COL18A1: variants seen among roughly 807,000 people sequenced by gnomAD.
COL18A1 encodes the protein collagen alpha-1(XVIII) chain.
COL18A1 carries 133 observed loss-of-function variants against 168.0 expected under a neutral mutation model. The ratio of observed to expected loss-of-function variants is 0.79; its 90% CI spans 0.69 to 0.91. The LOEUF is 0.91. Ranked by LOEUF, COL18A1 falls within the 40% of genes least tolerant of loss-of-function variation. The pLI is 0.00. For missense variants in COL18A1, 2,126 were observed against 1,925.4 expected (o/e 1.10, Z -1.95); for synonymous variants, 949 against 809.0 (o/e 1.17, Z -2.94).
At chr21:45,491,693 G>C (rs1341509650) in intron 22 of COL18A1, among the ~76,000 whole-genome samples, 2 of 152,182 alleles carry the variant, frequency 1.3e-5, no homozygotes, top group Non-Finnish European at 2.9e-5. Context: ...AGGTTGTGTT[G>C]GTTCCGGAAC....
At chr21:45,490,705 G>T in intron 20 of COL18A1, 131 bp from the exon 21 acceptor site, 1 of 950,976 alleles carries the variant, frequency 1.1e-6, no homozygotes, top group Admixed American at 2.1e-5. Context: ...GCTCTTGGTG[G>T]CTGCCTCCCT....
intron 2 of COL18A1, chr21:45,456,541 G>C: frequency 6.5e-7 from 1 of 1,547,930 alleles, no homozygotes; most frequent in Non-Finnish European, 8.7e-7. Context: ...GCCTGCCCCT[G>C]CCACCCTCCC....
At position 45,463,242 on chromosome 21, in the gene COL18A1, G is replaced by A. The variant is rs115304089; in HGVS notation, c.107-5000G>A. 0.019 allele frequency among the ~76,000 whole-genome samples: 2,951 copies of A among 152,334 alleles called. 94 individuals are homozygous for A. Among genetic ancestry groups the A allele is most frequent in the African/African-American group, 0.067 (2,770 of 41,558 alleles). ...TGTGATCCCAGGCAACCTGATCAGA[G>A]CACAGGTTCTCGATGTCTGCAGGAC... On this transcript the variant is annotated intron_variant, in intron 2 of 41. Transcript: ENST00000651438. This position sits in a 1 kb window ranked among gnomAD's most constrained non-coding sequence, Gnocchi z 4.0.
At chr21:45,509,736 A>G in intron 39 of COL18A1, 135 bp downstream of exon 39, 1 of 711,758 alleles carries the variant, frequency 1.4e-6, no homozygotes. Context: ...GCTCAGGGCC[A>G]CTCAGGGCGG....
intron 31 of COL18A1, 46 bp from the exon 32 acceptor site, chr21:45,497,553 C>T (rs1367583949): frequency 4.5e-6 from 7 of 1,550,446 alleles, no homozygotes; most frequent in Non-Finnish European, 6.1e-6. Context: ...ACCCTGGAGT[C>T]CTCCCTGGCA....
chr21:45,502,478 G>C (rs987144635), intron 32 of COL18A1: 26 of 152,232 alleles, frequency 1.7e-4, no homozygotes, highest in African/African-American at 5.8e-4. Flanking sequence ...GTTATTTGAT[G>C]AAAATAGATG....
At chr21:45,412,906 G>A (rs558003666) in intron 2 of COL18A1, among the ~76,000 whole-genome samples, 20 of 152,354 alleles carry the variant, frequency 1.3e-4, no homozygotes, top group East Asian at 5.8e-4. Context: ...GTGGGATGCC[G>A]CCTAGTGTGA....
intron 2 of COL18A1, among the ~76,000 whole-genome samples, chr21:45,426,752 G>A (rs2033815875): frequency 6.6e-6 from 1 of 152,248 alleles, no homozygotes; most frequent in Non-Finnish European, 1.5e-5. Flanking sequence ...GGAGCTTGTG[G>A]CTGCATCCTC....
chr21:45,489,205 A>G (rs971155984), intron 18 of COL18A1, among the ~76,000 whole-genome samples: 2 of 152,202 alleles, frequency 1.3e-5, no homozygotes, highest in East Asian at 3.9e-4. Context: ...AATTGTTTGA[A>G]TGAGGCCGTC....
chr21:45,475,701 C>T (rs1422763983), intron 5 of COL18A1, among the ~76,000 whole-genome samples, 166 bp downstream of exon 5: 5 of 152,300 alleles, frequency 3.3e-5, no homozygotes, highest in East Asian at 1.9e-4. Context: ...GGCAGACGCT[C>T]GGAGCCTGGG....
chr21:45,456,788 T>G (rs1423413851), intron 2 of COL18A1: 1 of 1,541,788 alleles, frequency 6.5e-7, no homozygotes, highest in South Asian at 1.2e-5. Flanking sequence ...GGATGCGTGT[T>G]GGAGCCGCCT....
In COL18A1 at chr21:45,477,905, A is replaced by G; in HGVS notation, c.1161A>G (p.Gly387=). The change falls in exon 8 of 42, where the codon GGA becomes GGG. Residue 387 remains glycine, a synonymous_variant. Coordinates refer to ENST00000651438, the MANE Select transcript of COL18A1 (RefSeq NM_001379500.1). ...GCCCAGCGTTGCAAACTGTCCCCGG[A>G]CCACAAGGACCCCCAGGGCCTCCGG... The part of the protein sequence containing the change: ...PAGPALQTVP[G]PQGPPGPPGR... 2 of 1,565,600 alleles carry G rather than the reference A, an allele frequency of 1.3e-6. No homozygotes were observed. Among genetic ancestry groups the G allele is most frequent in the Non-Finnish European group, 1.7e-6 (2 of 1,155,342 alleles).
Position 45,425,515 on chromosome 21 carries a change from C to T in COL18A1, c.106+20042C>T, listed in dbSNP as rs1014387070. On this transcript the variant is annotated intron_variant, in intron 2 of 41. Coordinates refer to ENST00000651438, the MANE Select transcript of COL18A1 (RefSeq NM_001379500.1). This position sits in a 1 kb window ranked among gnomAD's most constrained non-coding sequence, Gnocchi z 4.1. ...CGTCACGGCAGGGGTCACAACCCCA[C>T]TCACCCACACCCTCCTGCATGAACA... Among the ~76,000 whole-genome samples the T allele has an allele frequency of 6.6e-6, 1 of 152,222 alleles. No individual in the cohort carries two copies. The highest frequency in any genetic ancestry group is 1.5e-5 in the Non-Finnish European group (1 of 68,032).
intron 2 of COL18A1, among the ~76,000 whole-genome samples, chr21:45,415,860 A>G (rs1204449617): frequency 1.3e-5 from 2 of 152,168 alleles, no homozygotes; most frequent in Non-Finnish European, 2.9e-5. Context: ...TCATAAAGAA[A>G]AGCTGACCAG....
Position 45,509,603 on chromosome 21 carries a change from T to C in COL18A1, c.3495+2T>C. 2 of 1,444,456 alleles carry C rather than the reference T, an allele frequency of 1.4e-6. No homozygotes were observed. Among genetic ancestry groups the C allele is most frequent in the Non-Finnish European group, 1.8e-6 (2 of 1,084,132 alleles). 89.5% of individuals were successfully genotyped at this position (1,444,456 alleles called of 1,614,324 possible). On this transcript the variant is annotated splice_donor_variant, in intron 39 of 41. Transcript: ENST00000651438. LOFTEE classifies it high-confidence loss of function. The stretch of plus-strand genomic sequence containing the variant: ...AGCCACCGCGACTTCCAGCCGGTGG[T>C]GAGTGCCCCCCCAAAGTGGGCTTGG...
chr21:45,453,175 G>T (rs940267037), intron 2 of COL18A1, among the ~76,000 whole-genome samples: 1 of 151,794 alleles, frequency 6.6e-6, no homozygotes, highest in East Asian at 1.9e-4. Flanking sequence ...GTATGTGTGT[G>T]TGATTGTGTA....
At chr21:45,476,784 GGTGT>G (rs758385851) in intron 6 of COL18A1, among the ~76,000 whole-genome samples, 6 of 150,488 alleles carry the variant, frequency 4.0e-5, no homozygotes, top group Non-Finnish European at 7.4e-5. Flanking sequence ...TGTGTGGTGT[GGTGT>G]GTGTGTTGCG....
rs1394649452 is a variant in COL18A1 at position 45,477,745 on chromosome 21, C to A, written c.1006-5C>A. The A allele has an allele frequency of 3.9e-6, 6 of 1,534,948 alleles. No homozygotes were observed. The African/African-American group carries it at 8.2e-5, about 21-fold the overall frequency. On this transcript the variant is annotated splice_region_variant and splice_polypyrimidine_tract_variant and intron_variant, in intron 7 of 41. Coordinates refer to ENST00000651438, the MANE Select transcript of COL18A1 (RefSeq NM_001379500.1). ...GCCCGAGCCCTGTGTTCTGTTTATTCCCAGGGCGGCCTGAAGGGGCAGAAA... is the reference window on the plus strand; with the variant it reads ...GCCCGAGCCCTGTGTTCTGTTTATTACCAGGGCGGCCTGAAGGGGCAGAAA...
chr21:45,484,772 T>G (rs929490535), intron 15 of COL18A1, among the ~76,000 whole-genome samples: 1 of 152,240 alleles, frequency 6.6e-6, no homozygotes, highest in African/African-American at 2.4e-5. Context: ...TGCACATCTG[T>G]GTCTCTAGTA....
Sources: gnomAD v4.1 joint callset for allele counts (sites outside exome capture counted in the v4.1 genomes callset) on GRCh38, gnomAD v4.1.1 for gene constraint, Gnocchi (gnomAD v3.1) non-coding constraint, MANE v1.5 for transcripts, NCBI Gene and HGNC (gene_info 2026-07-23, HGNC 2026-07-21) for gene names.